The following NUP93 variants were observed in gnomAD, a reference collection of about 807,000 sequenced individuals.
The protein encoded by NUP93 is nucleoporin 93, also known as nuclear pore complex protein Nup93.
Under a neutral mutation model 107.8 loss-of-function variants are expected in NUP93, and 55 were observed. The observed-to-expected ratio is 0.51, with a 90% confidence interval of 0.41 to 0.64. The LOEUF (loss-of-function observed/expected upper bound fraction) is 0.64. Ranked by LOEUF, NUP93 falls within the 30% of genes least tolerant of loss-of-function variation. The pLI is 0.00. For synonymous variants in NUP93, 390 were observed against 397.5 expected (o/e 0.98, Z 0.22); for missense variants, 937 against 1,044.7 (o/e 0.90, Z 1.42).
At chr16:56,742,289 G>C (rs750621955) in intron 1 of NUP93, among the ~76,000 whole-genome samples, 1 of 152,244 alleles carries the variant, frequency 6.6e-6, no homozygotes, top group South Asian at 2.1e-4. Context: ...GCCTAGTTAG[G>C]GTAGCTTACT....
chr16:56,788,498 A>C (rs1962678797), intron 3 of NUP93, among the ~76,000 whole-genome samples: 1 of 152,198 alleles, frequency 6.6e-6, no homozygotes, highest in African/African-American at 2.4e-5. Flanking sequence ...GGTGGCCATC[A>C]TTTATCATTT....
At chr16:56,812,856 G>A (rs1003527965) in intron 5 of NUP93, among the ~76,000 whole-genome samples, 2 of 152,164 alleles carry the variant, frequency 1.3e-5, no homozygotes, top group African/African-American at 4.8e-5. Flanking sequence ...TCCTCACGTC[G>A]CAGTTTTTGC....
rs1465625373 is a variant in NUP93 at position 56,796,887 on chromosome 16, G to A, written c.298-1589G>A. 1.3e-5 allele frequency among the ~76,000 whole-genome samples: 2 copies of A among 152,216 alleles called. 1 individual carries two copies. The highest frequency in any genetic ancestry group is 6.8e-3 in the Middle Eastern group (2 of 294). ...GTTAGGAGGCTGAGGCAGGATAATC[G>A]CTTGAACCCAGGAGGCAGAGGTTGC... is the stretch of plus-strand genomic sequence containing the variant. On this transcript the variant is annotated intron_variant, in intron 3 of 21. Coordinates refer to ENST00000308159, the MANE Select transcript of NUP93 (RefSeq NM_014669.5).
chr16:56,834,609 A>G, intron 15 of NUP93, 125 bp from the exon 16 acceptor site: 1 of 1,127,276 alleles, frequency 8.9e-7, no homozygotes. Flanking sequence ...AGTCACACTG[A>G]TTTTTAGTTT....
intron 2 of NUP93, among the ~76,000 whole-genome samples, chr16:56,756,462 A>G (rs1157728708): frequency 1.3e-5 from 2 of 152,062 alleles, no homozygotes; most frequent in Admixed American, 6.6e-5. Flanking sequence ...CTCCCTGCAA[A>G]GGACATGAAC....
At chr16:56,801,184 T>C (rs764171410) in intron 4 of NUP93, among the ~76,000 whole-genome samples, 3 of 152,212 alleles carry the variant, frequency 2.0e-5, no homozygotes, top group Admixed American at 6.5e-5. Context: ...CTCTTAGTTA[T>C]TAGTTGAGCA....
intron 4 of NUP93, 146 bp downstream of exon 4, chr16:56,798,684 A>T (rs1962953417): frequency 3.0e-6 from 2 of 670,052 alleles, no homozygotes; most frequent in South Asian, 1.9e-5. Context: ...CCTAGGCAAC[A>T]TAGTGAGACC....
At chr16:56,777,664 G>A (rs1172953353) in intron 3 of NUP93, among the ~76,000 whole-genome samples, 4 of 152,170 alleles carry the variant, frequency 2.6e-5, no homozygotes, top group African/African-American at 7.2e-5. Context: ...GGGTCAGGCC[G>A]TCTCATTTTC....
chr16:56,787,761 G>C (rs1275727555), intron 3 of NUP93, among the ~76,000 whole-genome samples: 1 of 152,174 alleles, frequency 6.6e-6, no homozygotes, highest in African/African-American at 2.4e-5. Context: ...TTAGCATCCA[G>C]AGTCCTTTGG....
chr16:56,814,671 T>A (rs948445757), intron 5 of NUP93, among the ~76,000 whole-genome samples: 6 of 152,204 alleles, frequency 3.9e-5, no homozygotes, highest in Non-Finnish European at 5.9e-5. Flanking sequence ...CTGACGAGAC[T>A]TTTCTCAGTT....
intron 3 of NUP93, among the ~76,000 whole-genome samples, chr16:56,778,850 A>G (rs1241732218): frequency 6.6e-6 from 1 of 152,232 alleles, no homozygotes; most frequent in Non-Finnish European, 1.5e-5. Context: ...AGAATTTTCA[A>G]GAGCCACAGG....
rs750699939 is a variant in NUP93, at chr16:56,834,472, A to G, written c.1737+30A>G. ...GTGGGTTTCCTTTTCTCTCCTCCCCATGGTTTTCAGTGTGCATGTCCCATG... is the reference window on the plus strand; with the variant it reads ...GTGGGTTTCCTTTTCTCTCCTCCCCGTGGTTTTCAGTGTGCATGTCCCATG... On this transcript the variant is annotated intron_variant, in intron 15 of 21. Transcript: ENST00000308159. The G allele has an allele frequency of 5.6e-6, 9 of 1,609,618 alleles. No individual in the cohort carries two copies. In the East Asian group the frequency reaches 1.8e-4, roughly 32 times the overall value.
At chr16:56,811,185 A>T (rs563589604) in intron 5 of NUP93, among the ~76,000 whole-genome samples, 3 of 152,196 alleles carry the variant, frequency 2.0e-5, no homozygotes, top group Admixed American at 6.5e-5. Context: ...GATACTGCCA[A>T]ACTGTTTTCC....
intron 3 of NUP93, among the ~76,000 whole-genome samples, chr16:56,788,061 T>C (rs1363186594): frequency 6.6e-6 from 1 of 152,226 alleles, no homozygotes; most frequent in African/African-American, 2.4e-5. Context: ...AGTTTAGCCC[T>C]AACCTTTTTG....
At chr16:56,785,812 TAG>T (rs1389840127) in intron 3 of NUP93, among the ~76,000 whole-genome samples, 107 of 152,374 alleles carry the variant, frequency 7.0e-4, no homozygotes, top group African/African-American at 2.4e-3. Context: ...AAGATTTAAT[TAG>T]CACTTATATG....
chr16:56,771,717 A>T (rs1351822669), intron 3 of NUP93, among the ~76,000 whole-genome samples: 1 of 152,208 alleles, frequency 6.6e-6, no homozygotes, highest in African/African-American at 2.4e-5. Flanking sequence ...TCTGAGATAT[A>T]CTTTGGAACA....
chr16:56,734,400 T>C (rs1299502479), intron 1 of NUP93, among the ~76,000 whole-genome samples: 1 of 152,178 alleles, frequency 6.6e-6, no homozygotes. Context: ...AGGACCAAAG[T>C]ACATAATCCT....
At chr16:56,814,630 T>C (rs1283278913) in intron 5 of NUP93, among the ~76,000 whole-genome samples, 6 of 152,190 alleles carry the variant, frequency 3.9e-5, no homozygotes, top group Non-Finnish European at 8.8e-5. Flanking sequence ...CATCCTGTCC[T>C]GGAATGGCTG....
In NUP93 at chr16:56,829,136, A is replaced by T. The variant is rs375658525; in HGVS notation, c.927+27A>T. 4.4e-6 allele frequency: 7 copies of T among 1,604,256 alleles called. No homozygotes were observed. In the African/African-American group the frequency reaches 9.4e-5, roughly 22 times the overall value. ...TACTGACAACTTTCTCTGTGTGATC[A>T]GTTACACCCCCAGAGCAGTTGCCCT... On this transcript the variant is annotated intron_variant, in intron 9 of 21. Coordinates refer to ENST00000308159, the MANE Select transcript of NUP93 (RefSeq NM_014669.5).
Sources: gnomAD v4.1 joint callset for allele counts (sites outside exome capture counted in the v4.1 genomes callset) on GRCh38, gnomAD v4.1.1 for gene constraint, MANE v1.5 for transcripts, NCBI Gene and HGNC (gene_info 2026-07-23, HGNC 2026-07-21) for gene names.